The following ENPEP variants were observed in gnomAD, a reference collection of about 807,000 sequenced individuals.
ENPEP encodes glutamyl aminopeptidase.
ENPEP carries 103 observed loss-of-function variants against 114.5 expected under a neutral mutation model. The observed-to-expected ratio is 0.90, with a 90% CI of 0.77 to 1.06. ENPEP has a LOEUF of 1.06. ENPEP is among the 50% of genes least tolerant of loss of function. ENPEP has a pLI of 0.00. For missense variants in ENPEP, 1,196 were observed against 1,161.3 expected (o/e 1.03, Z -0.43); for synonymous variants, 420 against 422.0 (o/e 1.00, Z 0.06).
intron 13 of ENPEP, among the ~76,000 whole-genome samples, chr4:110,544,234 G>A (rs756456963): frequency 2.6e-5 from 4 of 152,044 alleles, no homozygotes; most frequent in Non-Finnish European, 5.9e-5. Context: ...CACCAAGGTA[G>A]AGATGACCTT....
intron 10 of ENPEP, among the ~76,000 whole-genome samples, chr4:110,528,507 T>A (rs1275376291): frequency 2.0e-5 from 3 of 152,218 alleles, no homozygotes; most frequent in Admixed American, 1.3e-4. Context: ...TGATCTTCTA[T>A]AAATATTTTC....
At chr4:110,533,157 T>A (rs1726469957) in intron 11 of ENPEP, 1 of 444,084 alleles carries the variant, frequency 2.3e-6, no homozygotes, top group Admixed American at 2.5e-5. Flanking sequence ...GCGTGAATAA[T>A]TCATCTACCC....
intron 3 of ENPEP, among the ~76,000 whole-genome samples, chr4:110,504,790 G>T (rs1379034286): frequency 1.3e-5 from 2 of 152,234 alleles, no homozygotes; most frequent in Non-Finnish European, 2.9e-5. Context: ...CTTAAAGGGA[G>T]TTCATTTACT....
intron 7 of ENPEP, among the ~76,000 whole-genome samples, chr4:110,514,410 C>T (rs1459262009): frequency 3.9e-5 from 6 of 151,974 alleles, no homozygotes; most frequent in Non-Finnish European, 7.4e-5. Context: ...ATATGATTCC[C>T]ATGGTGTATG....
At chr4:110,536,107 C>CAAAA (rs34765143) in intron 11 of ENPEP, among the ~76,000 whole-genome samples, 4 of 63,100 alleles carry the variant, frequency 6.3e-5, no homozygotes, top group Admixed American at 2.2e-4. Context: ...AACTCTGTCT[C>CAAAA]AAAAAAAAAA....
rs773900689 is a variant in ENPEP, at chr4:110,548,313, A to G, written c.2138A>G (p.Tyr713Cys). The G allele has an allele frequency of 6.3e-7, 1 of 1,587,368 alleles. No individual in the cohort carries two copies. The highest frequency in any genetic ancestry group is 1.8e-5 in the Admixed American group (1 of 55,660). ...ISMFEDDKEL[Y>C]PMIEEYFQGQ... ...ATGTTTGAAGATGATAAAGAGCTAT[A>G]TCCTATGATTGAGGTGACGTTAATG... The change falls in exon 14 of 20, where the codon TAT becomes TGT. Residue 713 changes from tyrosine (Y) to cysteine (C), a missense_variant. Physicochemically the swap from Tyr to Cys is radical, Grantham distance 194. Transcript: ENST00000265162.
chr4:110,496,514 T>C (rs1442619761), intron 3 of ENPEP, among the ~76,000 whole-genome samples: 1 of 152,168 alleles, frequency 6.6e-6, no homozygotes, highest in African/African-American at 2.4e-5. Flanking sequence ...TAAACAACAG[T>C]CTTTACTTGG....
chr4:110,525,589 C>T (rs1377799425), intron 10 of ENPEP, among the ~76,000 whole-genome samples: 1 of 152,164 alleles, frequency 6.6e-6, no homozygotes, highest in Non-Finnish European at 1.5e-5. Context: ...TTTATAGTCA[C>T]ATATATAAAT....
chr4:110,533,475 G>A (rs670014), intron 11 of ENPEP: 91,436 of 151,362 alleles, frequency 0.6, 27,853 homozygotes, highest in South Asian at 0.74. Context: ...GTCTAGGGAT[G>A]GGTTTGCAGG....
chr4:110,556,524 C>T (rs886579832), intron 18 of ENPEP, among the ~76,000 whole-genome samples: 1 of 151,752 alleles, frequency 6.6e-6, no homozygotes, highest in East Asian at 1.9e-4. Flanking sequence ...ATATGTTGGA[C>T]AATAGAATTG....
intron 19 of ENPEP, among the ~76,000 whole-genome samples, chr4:110,560,996 G>C (rs1374505946): frequency 6.6e-6 from 1 of 152,136 alleles, no homozygotes; most frequent in Non-Finnish European, 1.5e-5. Context: ...TCCTTAATAA[G>C]TGAACTGAAA....
At chr4:110,539,306 A>G (rs1359032128) in intron 11 of ENPEP, among the ~76,000 whole-genome samples, 2 of 152,172 alleles carry the variant, frequency 1.3e-5, no homozygotes, top group African/African-American at 2.4e-5. Context: ...GAGATTTAGA[A>G]TGGACCCTGT....
At chr4:110,553,120 G>A (rs1727348677) in intron 17 of ENPEP, among the ~76,000 whole-genome samples, 195 bp from the exon 18 acceptor site, 1 of 152,000 alleles carries the variant, frequency 6.6e-6, no homozygotes, top group East Asian at 1.9e-4. Flanking sequence ...AAAATCATAG[G>A]TTGGTCTTTT....
intron 11 of ENPEP, chr4:110,532,970 A>C (rs1412724713): frequency 2.9e-5 from 8 of 271,494 alleles, no homozygotes; most frequent in African/African-American, 1.8e-4. Flanking sequence ...AGACATTTTC[A>C]ACAATGTGTA....
In ENPEP at chr4:110,563,357, T is replaced by C. The variant is rs2110408092; in HGVS notation, c.*1799T>C. On this transcript the variant is annotated 3_prime_UTR_variant, in exon 20 of 20. Coordinates refer to ENST00000265162, the MANE Select transcript of ENPEP (RefSeq NM_001977.4). ...CTACAAGACATTCTATTTCATGCCT[T>C]TTCCTTTTGTTGTTCTATTTCATTC... The C allele has an allele frequency of 6.6e-6, 1 of 152,290 alleles. No individual in the cohort carries two copies. Among genetic ancestry groups the C allele is most frequent in the Admixed American group, 6.5e-5 (1 of 15,298 alleles). 9.4% of individuals were successfully genotyped at this position (152,290 alleles called of 1,614,324 possible). A position where few individuals can be genotyped will look rare whatever the true frequency, so the allele number is the denominator to read the frequency against.
Position 110,515,325 on chromosome 4 carries a change from G to T in ENPEP, c.1444-52G>T, listed in dbSNP as rs1725720225. 4.2e-6 allele frequency: 6 copies of T among 1,444,022 alleles called. No individual in the cohort carries two copies. In the East Asian group the frequency reaches 1.1e-4, roughly 27 times the overall value. The allele number at this position is 1,444,022 out of a possible 1,614,324, so 89.5% of individuals were successfully genotyped here. On this transcript the variant is annotated intron_variant, in intron 7 of 19. Transcript: ENST00000265162. ...GTTGCAAGAGTAATAACTGATCATT[G>T]TTCCTTACATAGCCTTTATTAGTTT...
intron 3 of ENPEP, among the ~76,000 whole-genome samples, chr4:110,492,663 T>C (rs1724771886): frequency 6.6e-6 from 1 of 152,220 alleles, no homozygotes; most frequent in South Asian, 2.1e-4. Context: ...GAACTACTAG[T>C]GGCTGATAGA....
At chr4:110,523,663 T>C (rs1278882647) in intron 10 of ENPEP, among the ~76,000 whole-genome samples, 2 of 152,204 alleles carry the variant, frequency 1.3e-5, no homozygotes, top group Non-Finnish European at 2.9e-5. Flanking sequence ...AATGTAAACA[T>C]TTTTGTTATG....
chr4:110,507,845 C>T (rs1035237964), intron 4 of ENPEP, among the ~76,000 whole-genome samples: 3 of 152,118 alleles, frequency 2.0e-5, no homozygotes, highest in Non-Finnish European at 2.9e-5. Context: ...TGTTGTGGCA[C>T]ACACCTGTAG....
Sources: allele counts gnomAD v4.1 joint callset (sites outside exome capture counted in the v4.1 genomes callset), GRCh38; gene constraint gnomAD v4.1.1; transcripts MANE v1.5; gene names NCBI Gene and HGNC (gene_info 2026-07-23, HGNC 2026-07-21).